CEP162: variants seen among roughly 807,000 people sequenced by gnomAD.
The protein encoded by CEP162 is centrosomal protein of 162 kDa.
In CEP162, 141 loss-of-function variants were observed where a neutral mutation model predicts 169.2. That is an observed-to-expected ratio of 0.83 (90% CI 0.73 to 0.96). The LOEUF is 0.96. Among genes scored for constraint, CEP162 ranks in the 40% least tolerant of loss-of-function variants. The pLI is 0.00. For missense variants in CEP162, 1,600 were observed against 1,587.2 expected, an observed-to-expected ratio of 1.01 and a Z score of -0.14; for synonymous variants, 540 against 526.4, an observed-to-expected ratio of 1.03 and a Z score of -0.35.
chr6:84,212,365 T>C (rs763051625), intron 6 of CEP162, among the ~76,000 whole-genome samples: 9 of 152,250 alleles, frequency 5.9e-5, no homozygotes, highest in Admixed American at 3.3e-4. Context: ...ACTGTGGTGT[T>C]TTTAAGACAT....
intron 21 of CEP162, 138 bp downstream of exon 21, chr6:84,160,674 T>C (rs969676310): frequency 6.7e-6 from 4 of 598,428 alleles, no homozygotes; most frequent in Non-Finnish European, 8.9e-6. Context: ...AATGATGTTA[T>C]TACTTTTACT....
At position 84,186,561 on chromosome 6, in the gene CEP162, T is replaced by C. The variant is rs770708271; in HGVS notation, c.1172A>G (p.Asn391Ser). The change falls in exon 12 of 27, where the codon AAC becomes AGC. Residue 391 changes from asparagine to serine, a missense_variant. Physicochemically the swap from Asn to Ser is conservative, Grantham distance 46. Coordinates refer to ENST00000403245, the MANE Select transcript of CEP162 (RefSeq NM_014895.4). ...EFFSSLPLKM[N>S]PNILSQDSQH... ...TGAGTCTTGAGACAAAATATTTGGGTTCATCTTCAGGGGTAAAGAGCTAAA... is the reference window on the plus strand; with the variant it reads ...TGAGTCTTGAGACAAAATATTTGGGCTCATCTTCAGGGGTAAAGAGCTAAA... 6.2e-7 allele frequency: 1 copy of C among 1,612,538 alleles called. No homozygotes were observed. Among genetic ancestry groups the C allele is most frequent in the South Asian group, 1.1e-5 (1 of 90,900 alleles).
intron 6 of CEP162, among the ~76,000 whole-genome samples, chr6:84,208,552 G>T (rs1170234200): frequency 6.6e-6 from 1 of 152,216 alleles, no homozygotes; most frequent in Non-Finnish European, 1.5e-5. Context: ...TGGAAGTGAA[G>T]AAATGAATTT....
chr6:84,220,330 T>C (rs897350225), intron 3 of CEP162, among the ~76,000 whole-genome samples: 2 of 152,152 alleles, frequency 1.3e-5, no homozygotes, highest in African/African-American at 4.8e-5. Context: ...GTATCATGTA[T>C]AGTAAACCTA....
At chr6:84,132,228 C>T (rs1296153624) in intron 25 of CEP162, among the ~76,000 whole-genome samples, 2 of 152,236 alleles carry the variant, frequency 1.3e-5, no homozygotes, top group Non-Finnish European at 2.9e-5. Flanking sequence ...GTCTGATGGG[C>T]TTCCCTTTGT....
intron 17 of CEP162, among the ~76,000 whole-genome samples, chr6:84,169,767 G>C (rs9283802): frequency 0.25 from 37,511 of 152,052 alleles, 10,683 homozygotes; most frequent in African/African-American, 0.7. Flanking sequence ...TGTTAATGCA[G>C]TCCTTGTCAT....
chr6:84,203,629 T>C (rs1160193027), intron 7 of CEP162, among the ~76,000 whole-genome samples: 3 of 152,018 alleles, frequency 2.0e-5, no homozygotes, highest in Non-Finnish European at 4.4e-5. Flanking sequence ...AAAATTTAAT[T>C]TTTGGAGAGA....
rs1413364753 is a variant in CEP162 at position 84,171,709 on chromosome 6, G to A, written c.2176C>T (p.Arg726Ter). ...AGATCTTTTACTTGATTATATAATC[G>A]TTCATTTTCCTTTTTAAAAACAGAA... ...LLQGYQQENERLYNQVKDLQE... is the reference protein window; with the variant it reads ...LLQGYQQENE The change falls in exon 17 of 27, where the codon CGA becomes TGA. Residue 726 changes from arginine (R) to a stop codon, truncating the protein, a stop_gained. Transcript: ENST00000403245. LOFTEE classifies it high-confidence loss of function. 7 of 1,442,830 alleles carry A rather than the reference G, an allele frequency of 4.9e-6. No homozygotes were observed. The highest frequency in any genetic ancestry group is 2.8e-5 in the South Asian group (2 of 71,824). The allele number at this position is 1,442,830 out of a possible 1,614,324, so 89.4% of individuals were successfully genotyped here.
intron 4 of CEP162, 77 bp from the exon 5 acceptor site, chr6:84,215,542 C>A (rs2099551221): frequency 1.6e-5 from 20 of 1,254,774 alleles, no homozygotes; most frequent in Non-Finnish European, 2.1e-5. Context: ...CATTTATTGA[C>A]ATTATGTAGT....
chr6:84,222,798 C>T (rs1454398565), intron 2 of CEP162, among the ~76,000 whole-genome samples: 1 of 152,064 alleles, frequency 6.6e-6, no homozygotes, highest in African/African-American at 2.4e-5. Context: ...ACACAATCTT[C>T]CACTTGCCAA....
At chr6:84,165,590 G>A (rs748341496) in intron 18 of CEP162, among the ~76,000 whole-genome samples, 4 of 151,974 alleles carry the variant, frequency 2.6e-5, no homozygotes, top group Admixed American at 1.3e-4. Context: ...AAGGCTCTAC[G>A]GGGACCAACA....
At chr6:84,142,094 AGTTT>A (rs1028397901) in intron 25 of CEP162, among the ~76,000 whole-genome samples, 3 of 152,122 alleles carry the variant, frequency 2.0e-5, no homozygotes, top group African/African-American at 7.2e-5. Flanking sequence ...GAGGGAGAAG[AGTTT>A]GTTTTTGTTT....
chr6:84,155,486 T>C lies in CEP162; in HGVS notation c.2806A>G (p.Lys936Glu). 6.2e-7 allele frequency: 1 copy of C among 1,610,586 alleles called. No individual in the cohort carries two copies. ...GGTAAAGAATTGGGATATCTTCTCT[T>C]CAGAATCCCTTCCATTTCCTTAACC... is the stretch of plus-strand genomic sequence containing the variant. ...RQVKEMEGIL[K>E]RRYPNSLPAL... is the part of the protein sequence containing the mutation. The change falls in exon 22 of 27, where the codon AAG becomes GAG. Residue 936 changes from lysine (K) to glutamate (E), a missense_variant. Lys to Glu is a moderately conservative substitution (Grantham distance 56). Coordinates refer to ENST00000403245, the MANE Select transcript of CEP162 (RefSeq NM_014895.4).
intron 6 of CEP162, 69 bp from the exon 7 acceptor site, chr6:84,204,165 G>GT (rs2099545793): frequency 2.2e-6 from 2 of 894,672 alleles, no homozygotes; most frequent in East Asian, 4.9e-5. Context: ...GGAAAAGGCT[G>GT]TTGATTTCGA....
At chr6:84,220,176 GA>G (rs931864860) in intron 3 of CEP162, among the ~76,000 whole-genome samples, 3 of 152,116 alleles carry the variant, frequency 2.0e-5, no homozygotes, top group South Asian at 2.1e-4. Flanking sequence ...GGGAGGGGGG[GA>G]AACCAAAAGC....
chr6:84,220,365 C>A (rs1451528539), intron 3 of CEP162, among the ~76,000 whole-genome samples: 1 of 152,096 alleles, frequency 6.6e-6, no homozygotes, highest in Non-Finnish European at 1.5e-5. Flanking sequence ...GTGGCTTAGG[C>A]TTGTAATCTC....
Position 84,203,975 on chromosome 6 carries a change from A to C in CEP162, c.687+6T>G. 1.9e-6 allele frequency: 3 copies of C among 1,572,288 alleles called. No individual in the cohort carries two copies. The highest frequency in any genetic ancestry group is 2.6e-6 in the Non-Finnish European group (3 of 1,148,692). On this transcript the variant is annotated splice_donor_region_variant and intron_variant, in intron 7 of 26. Transcript: ENST00000403245. ...AAACTGTCAAATATATAATTGATAT[A>C]TATACCTGTTTGGGCACACTTATTT...
chr6:84,145,462 G>GTGAT (rs1331437566), intron 25 of CEP162, among the ~76,000 whole-genome samples: 5 of 152,086 alleles, frequency 3.3e-5, no homozygotes, highest in Admixed American at 3.3e-4. Context: ...TGGTCTTATT[G>GTGAT]TGATTATCTC....
intron 25 of CEP162, among the ~76,000 whole-genome samples, chr6:84,131,244 T>C (rs1451894124): frequency 2.0e-5 from 3 of 152,216 alleles, no homozygotes; most frequent in African/African-American, 4.8e-5. Flanking sequence ...TTCCATTCTT[T>C]TGCATTTGCT....
Sources: allele counts gnomAD v4.1 joint callset (sites outside exome capture counted in the v4.1 genomes callset), GRCh38; gene constraint gnomAD v4.1.1; transcripts MANE v1.5; gene names NCBI Gene and HGNC (gene_info 2026-07-23, HGNC 2026-07-21).